The following KCNH5 variants were observed in gnomAD, a reference collection of about 807,000 sequenced individuals.
KCNH5 encodes potassium voltage-gated channel subfamily H member 5, also known as voltage-gated delayed rectifier potassium channel KCNH5.
A neutral mutation model predicts 96.1 loss-of-function variants in KCNH5; 46 were observed. The ratio of observed to expected loss-of-function variants is 0.48; its 90% confidence interval spans 0.38 to 0.61. KCNH5 has a LOEUF of 0.61. Among genes scored for constraint, KCNH5 ranks in the 20% least tolerant of loss-of-function variants. The pLI is 0.00. For missense variants in KCNH5, 907 were observed against 1,225.8 expected (o/e 0.74, Z 3.88); for synonymous variants, 439 against 449.8 (o/e 0.98, Z 0.30).
At chr14:62,938,000 T>C (rs932152991) in intron 7 of KCNH5, among the ~76,000 whole-genome samples, 1 of 152,208 alleles carries the variant, frequency 6.6e-6, no homozygotes, top group Non-Finnish European at 1.5e-5. Flanking sequence ...TCCCGAGGTC[T>C]ACTATTCCCA....
At chr14:62,842,293 G>A (rs546495932) in intron 8 of KCNH5, among the ~76,000 whole-genome samples, 2 of 152,212 alleles carry the variant, frequency 1.3e-5, no homozygotes, top group East Asian at 1.9e-4. Context: ...TAAGCCACTG[G>A]CTGTTATTTT....
chr14:62,787,404 G>T (rs1472594971), intron 9 of KCNH5, among the ~76,000 whole-genome samples: 1 of 152,092 alleles, frequency 6.6e-6, no homozygotes, highest in African/African-American at 2.4e-5. Flanking sequence ...AGCAGAGATT[G>T]GTTTATAAAG....
chr14:62,785,599 G>C (rs1359782826), intron 9 of KCNH5, among the ~76,000 whole-genome samples: 1 of 152,062 alleles, frequency 6.6e-6, no homozygotes, highest in Non-Finnish European at 1.5e-5. Context: ...GTTGTTGTTT[G>C]GTCTATTTAT....
chr14:62,804,430 T>C (rs1886725068), intron 8 of KCNH5, among the ~76,000 whole-genome samples: 1 of 152,192 alleles, frequency 6.6e-6, no homozygotes, highest in Non-Finnish European at 1.5e-5. Context: ...CCACAATGGG[T>C]CACATCACTG....
intron 6 of KCNH5, among the ~76,000 whole-genome samples, chr14:62,980,599 T>C (rs913887343): frequency 6.6e-6 from 1 of 152,216 alleles, no homozygotes; most frequent in Non-Finnish European, 1.5e-5. Context: ...TGAACTGTAG[T>C]TGACTTCAAA....
chr14:62,890,698 C>CAAAA lies in KCNH5; in HGVS notation c.1370-40850_1370-40847dup, dbSNP rs1277209731. Among the ~76,000 whole-genome samples the CAAAA allele has an allele frequency of 1.6e-3, 89 of 55,880 alleles. 2 individuals carry two copies. The highest frequency in any genetic ancestry group is 5.5e-3 in the South Asian group (8 of 1,448). 36.7% of individuals were successfully genotyped at this position (55,880 alleles called of 152,430 possible). On this transcript the variant is annotated intron_variant, in intron 7 of 10. Transcript: ENST00000322893. ...TGGGGGACAGAGCGAGACTCCGTCT[C>CAAAA]AAAAAAAAAAAAAAAAAAAAAAGTG...
At chr14:62,910,919 A>ACC (rs1889138415) in intron 7 of KCNH5, among the ~76,000 whole-genome samples, 1 of 141,332 alleles carries the variant, frequency 7.1e-6, no homozygotes, top group African/African-American at 2.7e-5. Context: ...ACACACACAC[A>ACC]CACACACACA....
At chr14:62,731,343 T>C (rs1232257224) in intron 10 of KCNH5, among the ~76,000 whole-genome samples, 2 of 151,156 alleles carry the variant, frequency 1.3e-5, no homozygotes, top group Non-Finnish European at 2.9e-5. Context: ...ATAAATAAAA[T>C]TAAATTAAAA....
chr14:62,942,213 C>T (rs1889802629), intron 7 of KCNH5, among the ~76,000 whole-genome samples: 1 of 152,118 alleles, frequency 6.6e-6, no homozygotes, highest in South Asian at 2.1e-4. Context: ...GGCATAAATG[C>T]ACCAATAGAA....
chr14:62,867,426 T>G (rs915895821), intron 7 of KCNH5, among the ~76,000 whole-genome samples: 1 of 152,136 alleles, frequency 6.6e-6, no homozygotes, highest in Non-Finnish European at 1.5e-5. Flanking sequence ...ACCACTGGCT[T>G]CTTATACACT....
intron 7 of KCNH5, among the ~76,000 whole-genome samples, chr14:62,859,923 G>A (rs1371696443): frequency 6.6e-6 from 1 of 152,224 alleles, no homozygotes; most frequent in African/African-American, 2.4e-5. Flanking sequence ...AGAAGGCAGG[G>A]TGGCAGGAAT....
chr14:62,705,908 T>A lies in KCNH5; in HGVS notation c.*1600A>T, dbSNP rs1884420671. On this transcript the variant is annotated 3_prime_UTR_variant, in exon 11 of 11. Coordinates refer to ENST00000322893, the MANE Select transcript of KCNH5 (RefSeq NM_139318.5). ...TACAGATGGTCCCGTAATATATAAATTACTCACACATTTTTTTCAACTTCA... is the reference window on the plus strand; with the variant it reads ...TACAGATGGTCCCGTAATATATAAAATACTCACACATTTTTTTCAACTTCA... 6.6e-6 allele frequency: 1 copy of A among 152,066 alleles called. No individual in the cohort carries two copies. Among genetic ancestry groups the A allele is most frequent in the African/African-American group, 2.4e-5 (1 of 41,426 alleles). The allele number at this position is 152,066 out of a possible 1,614,324, so 9.4% of individuals were successfully genotyped here. A position where few individuals can be genotyped will look rare whatever the true frequency, so the allele number is the denominator to read the frequency against.
At chr14:62,777,832 C>T (rs1044641124) in intron 10 of KCNH5, among the ~76,000 whole-genome samples, 1 of 148,768 alleles carries the variant, frequency 6.7e-6, no homozygotes, top group African/African-American at 2.5e-5. Flanking sequence ...GCTGTCACAA[C>T]CAATGAATGC....
chr14:63,039,896 G>T (rs192829040), intron 1 of KCNH5, among the ~76,000 whole-genome samples: 60 of 152,114 alleles, frequency 3.9e-4, no homozygotes, highest in African/African-American at 1.4e-3. Flanking sequence ...CAAGCAAGGT[G>T]GGGGAAGGGG....
intron 10 of KCNH5, among the ~76,000 whole-genome samples, chr14:62,745,251 T>TTCTAAA (rs1885352570): frequency 1.4e-5 from 2 of 140,616 alleles, no homozygotes; most frequent in African/African-American, 5.3e-5. Context: ...AGAAAATCTC[T>TTCTAAA]GAAAGTCATT....
intron 10 of KCNH5, among the ~76,000 whole-genome samples, chr14:62,762,384 A>G (rs1167903940): frequency 6.6e-6 from 1 of 152,138 alleles, no homozygotes; most frequent in Non-Finnish European, 1.5e-5. Flanking sequence ...TTTCCCAGCA[A>G]CTGCTGCCAG....
rs550974537 is a variant in KCNH5, at chr14:62,939,052, C to T, written c.1369+11081G>A. ...ATTTTCCTTCATATAGGAGAAAAAA[C>T]GGTTTGGACCCCATGAGTTCCCCAT... On this transcript the variant is annotated intron_variant, in intron 7 of 10. Transcript: ENST00000322893. Among the ~76,000 whole-genome samples, 36 of 152,180 alleles carry T rather than the reference C, an allele frequency of 2.4e-4. No homozygotes were observed. The South Asian group carries it at 5.2e-3, about 22-fold the overall frequency.
chr14:63,030,737 A>G (rs2139622700), intron 1 of KCNH5, among the ~76,000 whole-genome samples: 1 of 152,326 alleles, frequency 6.6e-6, no homozygotes, highest in African/African-American at 2.4e-5. Context: ...CTAGAGCAAT[A>G]ATTCCTAAAT....
chr14:63,030,683 T>TCAATACTTGAGTAGAACCCAGG (rs1400129793), intron 1 of KCNH5, among the ~76,000 whole-genome samples: 10 of 152,192 alleles, frequency 6.6e-5, no homozygotes, highest in Non-Finnish European at 1.2e-4. Flanking sequence ...TTGTTAAGTC[T>TCAATACTTGAGTAGAACCCAGG]TTCAGGTAGT....
Sources: allele counts gnomAD v4.1 joint callset (sites outside exome capture counted in the v4.1 genomes callset), GRCh38; gene constraint gnomAD v4.1.1; transcripts MANE v1.5; gene names NCBI Gene and HGNC (gene_info 2026-07-23, HGNC 2026-07-21).